PEX26: variants seen among roughly 807,000 people sequenced by gnomAD.
PEX26 encodes peroxisomal biogenesis factor 26.
In PEX26, 18 loss-of-function variants were observed where a neutral mutation model predicts 31.4. The ratio of observed to expected loss-of-function variants is 0.57; its 90% confidence interval spans 0.40 to 0.85. PEX26 has a LOEUF of 0.85. PEX26 is among the 40% of genes least tolerant of loss of function. The pLI, the probability that PEX26 is intolerant of heterozygous loss-of-function variation, is 0.00. For missense variants in PEX26, 377 were observed against 383.9 expected (o/e 0.98, Z 0.15); for synonymous variants, 176 against 166.9 (o/e 1.05, Z -0.42).
chr22:18,088,039 A>AT lies in PEX26; in HGVS notation c.886dup (p.Ser296PhefsTer10). The stretch of plus-strand genomic sequence containing the variant: ...TCTTCCGCTGGATCCGGAAGGCTGC[A>AT]TTTTCTCGCCTCTACCAGCTCCGCA... On this transcript the variant is annotated frameshift_variant, in exon 5 of 5. Coordinates refer to ENST00000399744, the MANE Select transcript of PEX26 (RefSeq NM_001127649.3). LOFTEE classifies it high-confidence loss of function. The surrounding 1 kb of genome is among the most constrained non-coding windows in gnomAD (Gnocchi z 4.1). 2 of 1,613,252 alleles carry AT rather than the reference A, an allele frequency of 1.2e-6. No homozygotes were observed. The highest frequency in any genetic ancestry group is 1.7e-6 in the Non-Finnish European group (2 of 1,179,784).
rs986236913 is a variant in PEX26 at position 18,096,466 on chromosome 22, T to G, written c.*8391T>G. ...TGGAGTCTCGCTCTGTCGCCCAGGC[T>G]GGAGTGCAGTGGCACGATCTCAGCT... On this transcript the variant is annotated 3_prime_UTR_variant, in exon 5 of 5. Coordinates refer to ENST00000399744, the MANE Select transcript of PEX26 (RefSeq NM_001127649.3). 2.0e-5 allele frequency: 3 copies of G among 151,972 alleles called. No individual in the cohort carries two copies. Among genetic ancestry groups the G allele is most frequent in the Non-Finnish European group, 4.4e-5 (3 of 68,174 alleles). The allele number at this position is 151,972 out of a possible 1,614,324, so 9.4% of individuals were successfully genotyped here. A position where few individuals can be genotyped will look rare whatever the true frequency, so the allele number is the denominator to read the frequency against.
chr22:18,084,047 A>T (rs1398946183), intron 3 of PEX26, among the ~76,000 whole-genome samples: 1 of 152,142 alleles, frequency 6.6e-6, no homozygotes, highest in Non-Finnish European at 1.5e-5. Flanking sequence ...TCTGGGTGGG[A>T]TGTCCTTCCT....
chr22:18,088,514 C>CA lies in PEX26; in HGVS notation c.*440dup. On this transcript the variant is annotated 3_prime_UTR_variant, in exon 5 of 5. Transcript: ENST00000399744. This position sits in a 1 kb window ranked among gnomAD's most constrained non-coding sequence, Gnocchi z 4.1. ...TACTTCTTTGCTGGGCATGGTGACT[C>CA]ACGCCTGTAATCCCAGCACTTTGGA... 3.2e-6 allele frequency: 1 copy of CA among 317,166 alleles called. No homozygotes were observed. Among genetic ancestry groups the CA allele is most frequent in the Non-Finnish European group, 6.3e-6 (1 of 159,706 alleles). 19.6% of individuals were successfully genotyped at this position (317,166 alleles called of 1,614,324 possible). A position where few individuals can be genotyped will look rare whatever the true frequency, so the allele number is the denominator to read the frequency against.
In PEX26 at chr22:18,080,161, T is replaced by A. The variant is rs554223272; in HGVS notation, c.371+147T>A. 15 of 821,198 alleles carry A rather than the reference T, an allele frequency of 1.8e-5. 1 individual carries two copies. In the South Asian group the frequency reaches 2.2e-4, roughly 12 times the overall value. The allele number at this position is 821,198 out of a possible 1,614,324, so 50.9% of individuals were successfully genotyped here. A position where few individuals can be genotyped will look rare whatever the true frequency, so the allele number is the denominator to read the frequency against. ...TCACTTTTTTTTCCCCAGACTTCCATACATAGCAATAAAGAATAAGGGGGA... is the reference window on the plus strand; with the variant it reads ...TCACTTTTTTTTCCCCAGACTTCCAAACATAGCAATAAAGAATAAGGGGGA... On this transcript the variant is annotated intron_variant, in intron 2 of 4. Transcript: ENST00000399744.
In PEX26 at chr22:18,090,943, C is replaced by G. The variant is rs1927073378; in HGVS notation, c.*2868C>G. 1 of 152,176 alleles carries G rather than the reference C, an allele frequency of 6.6e-6. No homozygotes were observed. The highest frequency in any genetic ancestry group is 2.1e-4 in the South Asian group (1 of 4,834). 9.4% of individuals were successfully genotyped at this position (152,176 alleles called of 1,614,324 possible). A position where few individuals can be genotyped will look rare whatever the true frequency, so the allele number is the denominator to read the frequency against. ...TAGTTCATAGCTTCGTGCAGGTGAT[C>G]CCTATTCTGCGTGTATGTGTTTGCA... is the stretch of plus-strand genomic sequence containing the variant. On this transcript the variant is annotated 3_prime_UTR_variant, in exon 5 of 5. Coordinates refer to ENST00000399744, the MANE Select transcript of PEX26 (RefSeq NM_001127649.3).
intron 1 of PEX26, 107 bp downstream of exon 1, chr22:18,078,713 C>A: frequency 2.0e-6 from 2 of 1,004,324 alleles, no homozygotes; most frequent in Non-Finnish European, 3.0e-6. Context: ...AGCTTTACAC[C>A]TCGCTTTCAT....
chr22:18,083,317 A>G (rs1926695091), intron 2 of PEX26, 120 bp from the exon 3 acceptor site: 4 of 995,454 alleles, frequency 4.0e-6, no homozygotes, highest in South Asian at 1.3e-5. Context: ...TTCATCGGAA[A>G]GGGCTCGAGG....
In PEX26 at chr22:18,078,416, G is replaced by A. The variant is rs1926389027; in HGVS notation, c.40G>A (p.Gly14Arg). ...DSSTSAAPLR[G>R]LGGPLRSSEP... ...TTCGACCTCTGCAGCCCCCCTCAGG[G>A]GGCTCGGGGGACCCCTGCGCAGCAG... The change falls in exon 1 of 5, where the codon GGG (glycine) becomes AGG (arginine). Residue 14 changes from glycine (G) to arginine (R), a missense_variant. Coordinates refer to ENST00000399744, the MANE Select transcript of PEX26 (RefSeq NM_001127649.3). The A allele has an allele frequency of 3.1e-6, 5 of 1,593,504 alleles. No individual in the cohort carries two copies. Among genetic ancestry groups the A allele is most frequent in the Non-Finnish European group, 4.3e-6 (5 of 1,173,006 alleles).
In PEX26 at chr22:18,103,876, G is replaced by A. The variant is rs1927533423; in HGVS notation, c.*15801G>A. The A allele has an allele frequency of 6.6e-6, 1 of 152,234 alleles. No individual in the cohort carries two copies. The highest frequency in any genetic ancestry group is 2.4e-5 in the African/African-American group (1 of 41,440). The allele number at this position is 152,234 out of a possible 1,614,324, so 9.4% of individuals were successfully genotyped here. A position where few individuals can be genotyped will look rare whatever the true frequency, so the allele number is the denominator to read the frequency against. ...GTGCTGTGAAATCACCAAGGGCTGA[G>A]TAGAACAGTTAAGACGATAGTAGTT... On this transcript the variant is annotated 3_prime_UTR_variant, in exon 5 of 5. Coordinates refer to ENST00000399744, the MANE Select transcript of PEX26 (RefSeq NM_001127649.3).
chr22:18,093,700 A>G lies in PEX26; in HGVS notation c.*5625A>G, dbSNP rs940253991. Reference sequence around the variant, plus strand: ...CCAACCCTCTGGTGTCTGATTGTGTATCTAGCAACATTGCAGTATGAAGAA... The same window carrying G: ...CCAACCCTCTGGTGTCTGATTGTGTGTCTAGCAACATTGCAGTATGAAGAA... On this transcript the variant is annotated 3_prime_UTR_variant, in exon 5 of 5. Transcript: ENST00000399744. The G allele has an allele frequency of 6.6e-6, 1 of 152,228 alleles. No individual in the cohort carries two copies. The highest frequency in any genetic ancestry group is 1.5e-5 in the Non-Finnish European group (1 of 68,044). The allele number at this position is 152,228 out of a possible 1,614,324, so 9.4% of individuals were successfully genotyped here.
In PEX26 at chr22:18,078,215, G is replaced by T. The variant is rs1259710750; in HGVS notation, c.-162G>T. 1 of 711,272 alleles carries T rather than the reference G, an allele frequency of 1.4e-6. No homozygotes were observed. 44.1% of individuals were successfully genotyped at this position (711,272 alleles called of 1,614,324 possible). A position where few individuals can be genotyped will look rare whatever the true frequency, so the allele number is the denominator to read the frequency against. On this transcript the variant is annotated 5_prime_UTR_variant, in exon 1 of 5. Transcript: ENST00000399744. ...CGAGCCCAGCTTTTGCCTCAGATAG[G>T]CCCCTTCCTTTTCCTTCTCGGGGAA...
intron 4 of PEX26, among the ~76,000 whole-genome samples, chr22:18,087,144 G>A (rs1926873844): frequency 6.6e-6 from 1 of 151,998 alleles, no homozygotes; most frequent in African/African-American, 2.4e-5. Context: ...GCGTGATCTC[G>A]GCTTACTGCA....
rs1446788052 is a variant in PEX26 at position 18,099,641 on chromosome 22, C to A, written c.*11566C>A. On this transcript the variant is annotated 3_prime_UTR_variant, in exon 5 of 5. Transcript: ENST00000399744. ...TAGGACTGCTGTTAACAAATTGCCA[C>A]AAATGTATGGCTTAAAACAACAGAA... 6.6e-6 allele frequency: 1 copy of A among 152,188 alleles called. No homozygotes were observed. The highest frequency in any genetic ancestry group is 2.4e-5 in the African/African-American group (1 of 41,444). 9.4% of individuals were successfully genotyped at this position (152,188 alleles called of 1,614,324 possible).
intron 2 of PEX26, among the ~76,000 whole-genome samples, chr22:18,082,032 C>A (rs1478388527): frequency 6.9e-6 from 1 of 145,470 alleles, no homozygotes; most frequent in Non-Finnish European, 1.5e-5. Context: ...TGAGAAATGT[C>A]TGTTGAGGTC....
chr22:18,094,676 C>G lies in PEX26; in HGVS notation c.*6601C>G, dbSNP rs957635184. The G allele has an allele frequency of 2.6e-5, 4 of 152,148 alleles. No homozygotes were observed. The highest frequency in any genetic ancestry group is 2.6e-4 in the Admixed American group (4 of 15,276). 9.4% of individuals were successfully genotyped at this position (152,148 alleles called of 1,614,324 possible). A position where few individuals can be genotyped will look rare whatever the true frequency, so the allele number is the denominator to read the frequency against. ...TTCCAAATGCGGTAGAGGGCCATCC[C>G]TTCTTTGGCTTCTTGCCTTGTCTCT... On this transcript the variant is annotated 3_prime_UTR_variant, in exon 5 of 5. Coordinates refer to ENST00000399744, the MANE Select transcript of PEX26 (RefSeq NM_001127649.3).
rs562994254 is a variant in PEX26, at chr22:18,104,574, G to C, written c.*16499G>C. The C allele has an allele frequency of 2.0e-4, 30 of 152,108 alleles. 1 individual carries two copies. Among genetic ancestry groups the C allele is most frequent in the Admixed American group, 1.6e-3 (24 of 15,246 alleles). The allele number at this position is 152,108 out of a possible 1,614,324, so 9.4% of individuals were successfully genotyped here. A position where few individuals can be genotyped will look rare whatever the true frequency, so the allele number is the denominator to read the frequency against. ...TCTGTGACAGAGCCTTGGATGTCACGAGGCCACAGGCTGGCCTTTCCTCCT... is the reference window on the plus strand; with the variant it reads ...TCTGTGACAGAGCCTTGGATGTCACCAGGCCACAGGCTGGCCTTTCCTCCT... On this transcript the variant is annotated 3_prime_UTR_variant, in exon 5 of 5. Transcript: ENST00000399744.
rs1602462986 is a variant in PEX26, at chr22:18,083,671, G to A, written c.606G>A (p.Ala202=). The change falls in exon 3 of 5, where the codon GCG becomes GCA. Residue 202 remains alanine, a synonymous_variant. Coordinates refer to ENST00000399744, the MANE Select transcript of PEX26 (RefSeq NM_001127649.3). ...ATGTACTTCAGGCCATTCACACAGCGAGGCAGCAGCAGAAACAGGAACACT... is the reference window on the plus strand; with the variant it reads ...ATGTACTTCAGGCCATTCACACAGCAAGGCAGCAGCAGAAACAGGAACACT... The part of the protein sequence containing the change: ...RLDVLQAIHT[A]RQQQKQEHSG... 1 of 1,614,114 alleles carries A rather than the reference G, an allele frequency of 6.2e-7. No individual in the cohort carries two copies. The highest frequency in any genetic ancestry group is 8.5e-7 in the Non-Finnish European group (1 of 1,180,030).
chr22:18,081,279 C>CACACACACAT (rs1491085033), intron 2 of PEX26, among the ~76,000 whole-genome samples: 1 of 139,980 alleles, frequency 7.1e-6, no homozygotes, highest in Non-Finnish European at 1.6e-5. Flanking sequence ...CACACACACA[C>CACACACACAT]ATTATCCATT....
At chr22:18,084,547 A>G (rs1926761197) in intron 3 of PEX26, among the ~76,000 whole-genome samples, 1 of 150,940 alleles carries the variant, frequency 6.6e-6, no homozygotes, top group African/African-American at 2.4e-5. Context: ...CTGGCCTGAA[A>G]GGTTCTGAAA....
Sources: gnomAD v4.1 joint callset for allele counts (sites outside exome capture counted in the v4.1 genomes callset) on GRCh38, gnomAD v4.1.1 for gene constraint, Gnocchi (gnomAD v3.1) non-coding constraint, MANE v1.5 for transcripts, NCBI Gene and HGNC (gene_info 2026-07-23, HGNC 2026-07-21) for gene names.